The following EYS variants were observed in gnomAD, a reference collection of about 807,000 sequenced individuals.
EYS encodes the protein protein eyes shut homolog.
EYS carries 250 observed loss-of-function variants against 282.1 expected under a neutral mutation model. The ratio of observed to expected loss-of-function variants is 0.89; its 90% CI spans 0.80 to 0.98. The LOEUF is 0.98. EYS is among the 50% of genes least tolerant of loss of function. The pLI is 0.00. For missense variants in EYS, 4,016 were observed against 3,709.0 expected (o/e 1.08, Z -2.15); for synonymous variants, 1,355 against 1,282.9 (o/e 1.06, Z -1.20).
chr6:63,740,856 A>G (rs928684257), intron 41 of EYS, among the ~76,000 whole-genome samples: 1 of 152,194 alleles, frequency 6.6e-6, no homozygotes, highest in African/African-American at 2.4e-5. Flanking sequence ...ATAGGATTCA[A>G]AGGACTCTGA....
chr6:64,941,175 G>A (rs948730657), intron 15 of EYS, among the ~76,000 whole-genome samples: 3 of 152,020 alleles, frequency 2.0e-5, no homozygotes, highest in African/African-American at 4.8e-5. Context: ...GAGATCAGGA[G>A]TTCGAGACCA....
chr6:65,639,378 A>G (rs1029342489), intron 2 of EYS, among the ~76,000 whole-genome samples: 1 of 152,102 alleles, frequency 6.6e-6, no homozygotes, highest in African/African-American at 2.4e-5. Flanking sequence ...AAAAACCTGT[A>G]TATGTTTATC....
chr6:65,542,868 T>C (rs16896825), intron 2 of EYS, among the ~76,000 whole-genome samples: 14,549 of 152,186 alleles, frequency 0.096, 904 homozygotes, highest in South Asian at 0.19. Context: ...ACACAAAATA[T>C]TTATCTGCAC....
At chr6:64,223,191 T>C (rs1314820763) in intron 31 of EYS, among the ~76,000 whole-genome samples, 3 of 152,014 alleles carry the variant, frequency 2.0e-5, no homozygotes, top group African/African-American at 4.8e-5. Flanking sequence ...TTCTCATTCT[T>C]CCCACTGTTT....
At chr6:63,752,716 CGATCTCCT>C (rs1029264014) in intron 41 of EYS, among the ~76,000 whole-genome samples, 12 of 151,834 alleles carry the variant, frequency 7.9e-5, no homozygotes, top group Non-Finnish European at 1.5e-4. Context: ...AGGATGGTCT[CGATCTCCT>C]GACCTCGTGA....
intron 12 of EYS, among the ~76,000 whole-genome samples, chr6:65,070,620 C>A (rs1325808903): frequency 6.6e-6 from 1 of 151,742 alleles, no homozygotes; most frequent in Admixed American, 6.6e-5. Flanking sequence ...GCATCCTGGC[C>A]AATTCCTGTT....
chr6:64,545,364 C>T (rs62415789), intron 26 of EYS, among the ~76,000 whole-genome samples: 28 of 152,130 alleles, frequency 1.8e-4, no homozygotes, highest in East Asian at 1.4e-3. Context: ...ATTGATGGGA[C>T]GTATCTCAAA....
chr6:64,832,599 C>T (rs1175656692), intron 19 of EYS, among the ~76,000 whole-genome samples: 1 of 151,576 alleles, frequency 6.6e-6, no homozygotes, highest in Non-Finnish European at 1.5e-5. Flanking sequence ...AATATTCTTA[C>T]CACAAAAAAG....
At chr6:64,602,715 T>C (rs141601811) in intron 24 of EYS, among the ~76,000 whole-genome samples, 8 of 152,088 alleles carry the variant, frequency 5.3e-5, no homozygotes, top group Non-Finnish European at 1.2e-4. Flanking sequence ...TTTACCACTA[T>C]CCCATTTAAA....
At chr6:65,164,825 C>G (rs1764934027) in intron 12 of EYS, among the ~76,000 whole-genome samples, 1 of 151,178 alleles carries the variant, frequency 6.6e-6, no homozygotes, top group African/African-American at 2.4e-5. Context: ...TCATTGAATT[C>G]TCGATGTACA....
chr6:64,391,879 C>T (rs1226606063), intron 28 of EYS, among the ~76,000 whole-genome samples: 1 of 152,002 alleles, frequency 6.6e-6, no homozygotes, highest in South Asian at 2.1e-4. Flanking sequence ...TTCAGAAAAC[C>T]CATCTCATGT....
Position 65,422,968 on chromosome 6 carries a change from C to T in EYS, c.863-17601G>A, listed in dbSNP as rs1039741016. 4.0e-5 allele frequency among the ~76,000 whole-genome samples: 6 copies of T among 151,738 alleles called. No homozygotes were observed. In the South Asian group the frequency reaches 8.3e-4, roughly 21 times the overall value. ...TAAATTCTGTCCATCATCATTATAACATATATATAATTTTGATATGTTCAT... is the reference window on the plus strand; with the variant it reads ...TAAATTCTGTCCATCATCATTATAATATATATATAATTTTGATATGTTCAT... On this transcript the variant is annotated intron_variant, in intron 5 of 42. Coordinates refer to ENST00000503581, the MANE Select transcript of EYS (RefSeq NM_001142800.2).
Position 65,019,693 on chromosome 6 carries a change from T to C in EYS, c.2138-21990A>G, listed in dbSNP as rs550160639. ...ATTTCTGGTAAGACAACAGGAATTA[T>C]CTCAAAATCAAAATTTCTAACTCCA... On this transcript the variant is annotated intron_variant, in intron 13 of 42. Coordinates refer to ENST00000503581, the MANE Select transcript of EYS (RefSeq NM_001142800.2). 1.4e-4 allele frequency among the ~76,000 whole-genome samples: 21 copies of C among 152,314 alleles called. 1 individual carries two copies. The South Asian group carries it at 3.7e-3, about 27-fold the overall frequency.
At chr6:63,961,836 A>G (rs1344871766) in intron 35 of EYS, among the ~76,000 whole-genome samples, 1 of 152,136 alleles carries the variant, frequency 6.6e-6, no homozygotes, top group East Asian at 1.9e-4. Flanking sequence ...CAACATTCAG[A>G]CTATAGACCA....
At position 64,059,712 on chromosome 6, in the gene EYS, G is replaced by T. The variant is rs148820634; in HGVS notation, c.6725+6626C>A. On this transcript the variant is annotated intron_variant, in intron 33 of 42. Coordinates refer to ENST00000503581, the MANE Select transcript of EYS (RefSeq NM_001142800.2). The stretch of plus-strand genomic sequence containing the variant: ...ATTTTCTTAAGCTTATGTAATAAAA[G>T]AAATTTTAGTTTTACAGTAGATCTT... Among the ~76,000 whole-genome samples the T allele has an allele frequency of 5.3e-5, 8 of 152,222 alleles. No individual in the cohort carries two copies. In the East Asian group the frequency reaches 1.2e-3, roughly 22 times the overall value.
At chr6:64,509,581 A>T (rs1415249237) in intron 26 of EYS, among the ~76,000 whole-genome samples, 1 of 152,176 alleles carries the variant, frequency 6.6e-6, no homozygotes, top group Non-Finnish European at 1.5e-5. Context: ...TTAAAATAAT[A>T]ATCAATTTCA....
At chr6:64,299,303 T>A (rs1270338922) in intron 30 of EYS, among the ~76,000 whole-genome samples, 1 of 152,218 alleles carries the variant, frequency 6.6e-6, no homozygotes, top group Non-Finnish European at 1.5e-5. Flanking sequence ...TCATTAAATC[T>A]GTACTGAATA....
chr6:64,544,891 G>GA (rs2149801288), intron 26 of EYS, among the ~76,000 whole-genome samples: 1 of 151,816 alleles, frequency 6.6e-6, no homozygotes, highest in African/African-American at 2.4e-5. Flanking sequence ...AGCTTACCAA[G>GA]AAAAAAAGTC....
intron 30 of EYS, among the ~76,000 whole-genome samples, chr6:64,287,175 CTTAA>C (rs1278505137): frequency 3.3e-5 from 5 of 152,046 alleles, no homozygotes; most frequent in East Asian, 1.9e-4. Context: ...TCTGGTTTGC[CTTAA>C]TTAAGTCACT....
Sources: allele counts gnomAD v4.1 joint callset (sites outside exome capture counted in the v4.1 genomes callset), GRCh38; gene constraint gnomAD v4.1.1; transcripts MANE v1.5; gene names NCBI Gene and HGNC (gene_info 2026-07-23, HGNC 2026-07-21).